The following SLC38A4 variants were observed in gnomAD, a reference collection of about 807,000 sequenced individuals.
SLC38A4 encodes the protein solute carrier family 38 member 4.
A neutral mutation model predicts 63.1 loss-of-function variants in SLC38A4; 20 were observed. The observed-to-expected ratio is 0.32, with a 90% confidence interval of 0.22 to 0.46. SLC38A4 has a LOEUF of 0.46. Among genes scored for constraint, SLC38A4 ranks in the 20% least tolerant of loss-of-function variants. SLC38A4 has a pLI of 1.00. For synonymous variants in SLC38A4, 230 were observed against 225.5 expected (o/e 1.02, Z -0.18); for missense variants, 526 against 663.6 (o/e 0.79, Z 2.28).
rs544402228 is a variant in SLC38A4 at position 46,779,274 on chromosome 12, A to C, written c.717+337T>G. Among the ~76,000 whole-genome samples the C allele has an allele frequency of 2.4e-3, 359 of 152,030 alleles. 2 individuals are homozygous for C. The highest frequency in any genetic ancestry group is 4.5e-3 in the Non-Finnish European group (307 of 67,914). ...AAGAGAGAATGGCTGATTCATGTGA[A>C]TATGGGTATAGCCTTCTTGTTTCTC... On this transcript the variant is annotated intron_variant, in intron 10 of 16. Coordinates refer to ENST00000266579, the MANE Select transcript of SLC38A4 (RefSeq NM_018018.5).
At chr12:46,780,573 T>A (rs1296444796) in intron 7 of SLC38A4, among the ~76,000 whole-genome samples, 1 of 151,576 alleles carries the variant, frequency 6.6e-6, no homozygotes, top group African/African-American at 2.4e-5. Flanking sequence ...ATACAAGAGA[T>A]GACAGCTTCT....
chr12:46,783,989 G>A (rs1199109347), intron 7 of SLC38A4, among the ~76,000 whole-genome samples: 1 of 151,834 alleles, frequency 6.6e-6, no homozygotes, highest in Admixed American at 6.6e-5. Flanking sequence ...TGATAATTCA[G>A]TGGGAATTAT....
intron 13 of SLC38A4, 84 bp from the exon 14 acceptor site, chr12:46,775,257 A>G (rs1938499785): frequency 1.3e-6 from 2 of 1,505,524 alleles, no homozygotes; most frequent in South Asian, 1.4e-5. Flanking sequence ...TAGAGAGAAC[A>G]CAGAACAGAG....
chr12:46,829,009 G>GTCT (rs2120942313), upstream of SLC38A4, among the ~76,000 whole-genome samples: 1 of 152,200 alleles, frequency 6.6e-6, no homozygotes, highest in East Asian at 1.9e-4. Context: ...TTTTACTGCT[G>GTCT]TCTTTATTGC....
chr12:46,797,646 CCTGT>C (rs757922996), intron 2 of SLC38A4, among the ~76,000 whole-genome samples: 3 of 152,122 alleles, frequency 2.0e-5, no homozygotes, highest in Non-Finnish European at 4.4e-5. Flanking sequence ...TACATCTATA[CCTGT>C]CTGTCTATTT....
intron 13 of SLC38A4, among the ~76,000 whole-genome samples, chr12:46,775,523 T>C (rs934559976): frequency 2.0e-5 from 3 of 151,938 alleles, no homozygotes; most frequent in Non-Finnish European, 4.4e-5. Flanking sequence ...CCACATATTG[T>C]CTCTCCCAGC....
intron 1 of SLC38A4, 143 bp downstream of exon 1, chr12:46,825,760 C>T (rs1939638804): frequency 6.6e-6 from 1 of 152,368 alleles, no homozygotes; most frequent in Admixed American, 6.5e-5. Flanking sequence ...ACTGCCACAG[C>T]CTCTCTTCTT....
intron 3 of SLC38A4, among the ~76,000 whole-genome samples, chr12:46,788,925 T>C (rs1268444088): frequency 6.6e-6 from 1 of 152,202 alleles, no homozygotes; most frequent in East Asian, 1.9e-4. Context: ...CTAATTGTGT[T>C]CCCATTTAGA....
intron 1 of SLC38A4, among the ~76,000 whole-genome samples, chr12:46,832,126 A>G (rs1339990529): frequency 6.6e-6 from 1 of 152,096 alleles, no homozygotes; most frequent in African/African-American, 2.4e-5. Flanking sequence ...TGTTTGGAAA[A>G]TAATAAGAAT....
chr12:46,830,298 T>TCACACACACACA (rs10597523), upstream of SLC38A4, among the ~76,000 whole-genome samples: 298 of 148,396 alleles, frequency 2.0e-3, no homozygotes, highest in South Asian at 0.014. Flanking sequence ...TCTCTCTCTC[T>TCACACACACACA]CACACACACA....
Position 46,766,698 on chromosome 12 carries a change from G to C in SLC38A4, c.*3C>G, listed in dbSNP as rs193108999. 6.3e-7 allele frequency: 1 copy of C among 1,579,730 alleles called. No homozygotes were observed. Among genetic ancestry groups the C allele is most frequent in the African/African-American group, 1.3e-5 (1 of 74,126 alleles). ...ATAGAAAAAGAAAGTATTTTTCCTT[G>C]TGTTAGTGATGCTTGGAATTTGGAG... On this transcript the variant is annotated 3_prime_UTR_variant, in exon 17 of 17. Coordinates refer to ENST00000266579, the MANE Select transcript of SLC38A4 (RefSeq NM_018018.5).
intron 1 of SLC38A4, among the ~76,000 whole-genome samples, chr12:46,805,775 G>A (rs1939218994): frequency 6.6e-6 from 1 of 151,956 alleles, no homozygotes; most frequent in African/African-American, 2.4e-5. Flanking sequence ...CGTAAGTAGT[G>A]AATAATGAAG....
In SLC38A4 at chr12:46,775,067, C is replaced by A. The variant is rs550738171; in HGVS notation, c.1281G>T (p.Val427=). The change falls in exon 14 of 17, where the codon GTG becomes GTT. Residue 427 remains valine, a synonymous_variant. Coordinates refer to ENST00000266579, the MANE Select transcript of SLC38A4 (RefSeq NM_018018.5). ...TACTTACTGGGAAGAGGACAATGGGCACAGTTAGTGTTACTGCCACAAGGA... is the reference window on the plus strand; with the variant it reads ...TACTTACTGGGAAGAGGACAATGGGAACAGTTAGTGTTACTGCCACAAGGA... The part of the protein sequence containing the change: ...LAVLVAVTLT[V]PIVLFPIRTS... The A allele has an allele frequency of 1.2e-6, 2 of 1,612,452 alleles. No individual in the cohort carries two copies. Among genetic ancestry groups the A allele is most frequent in the Non-Finnish European group, 1.7e-6 (2 of 1,178,962 alleles).
At chr12:46,816,715 G>C (rs1172363364) in intron 1 of SLC38A4, among the ~76,000 whole-genome samples, 1 of 151,778 alleles carries the variant, frequency 6.6e-6, no homozygotes, top group East Asian at 1.9e-4. Flanking sequence ...AATTCTAGTG[G>C]AGAATAAAGG....
rs747176589 is a variant in SLC38A4 at position 46,788,047 on chromosome 12, A to G, written c.211-16T>C. On this transcript the variant is annotated splice_polypyrimidine_tract_variant and intron_variant, in intron 4 of 16. Coordinates refer to ENST00000266579, the MANE Select transcript of SLC38A4 (RefSeq NM_018018.5). Reference sequence around the variant, plus strand: ...TTCCGGGATGCTTGAAAAAGAAGGGATGTATTATAAGCAAACATTTGCCAA... The same window carrying G: ...TTCCGGGATGCTTGAAAAAGAAGGGGTGTATTATAAGCAAACATTTGCCAA... 5.0e-6 allele frequency: 8 copies of G among 1,588,174 alleles called. No homozygotes were observed. The highest frequency in any genetic ancestry group is 8.6e-7 in the Non-Finnish European group (1 of 1,156,782).
intron 1 of SLC38A4, among the ~76,000 whole-genome samples, chr12:46,821,483 T>C (rs1939549675): frequency 6.6e-6 from 1 of 152,124 alleles, no homozygotes; most frequent in African/African-American, 2.4e-5. Flanking sequence ...TGTGTGGGCT[T>C]ACTTCTGGGC....
chr12:46,830,484 C>A (rs1443552100), upstream of SLC38A4, among the ~76,000 whole-genome samples: 1 of 152,142 alleles, frequency 6.6e-6, no homozygotes, highest in African/African-American at 2.4e-5. Flanking sequence ...AGGATGCTCT[C>A]TTTACAACAT....
intron 14 of SLC38A4, among the ~76,000 whole-genome samples, chr12:46,770,081 A>C (rs1043354901): frequency 6.6e-6 from 1 of 152,056 alleles, no homozygotes; most frequent in Non-Finnish European, 1.5e-5. Context: ...TAGTTTTCAG[A>C]ATTTATTGTT....
At chr12:46,786,632 T>C (rs1370001585) in intron 5 of SLC38A4, among the ~76,000 whole-genome samples, 1 of 152,134 alleles carries the variant, frequency 6.6e-6, no homozygotes, top group Admixed American at 6.6e-5. Flanking sequence ...CATACAAATA[T>C]ATGACTACAT....
Sources: gnomAD v4.1 joint callset for allele counts (sites outside exome capture counted in the v4.1 genomes callset) on GRCh38, gnomAD v4.1.1 for gene constraint, MANE v1.5 for transcripts, NCBI Gene and HGNC (gene_info 2026-07-23, HGNC 2026-07-21) for gene names.